The following PXN variants were observed in gnomAD, a reference collection of about 807,000 sequenced individuals.
The protein encoded by PXN is paxillin.
A neutral mutation model predicts 103.6 loss-of-function variants in PXN; 61 were observed. That is an observed-to-expected ratio of 0.59 (90% confidence interval 0.48 to 0.73). The LOEUF is 0.73. Among genes scored for constraint, PXN ranks in the 30% least tolerant of loss-of-function variants. The pLI is 0.00. For missense variants in PXN, 1,274 were observed against 1,460.3 expected (o/e 0.87, Z 2.08); for synonymous variants, 562 against 607.8 (o/e 0.92, Z 1.11).
chr12:120,230,628 C>A (rs369391874), intron 1 of PXN, among the ~76,000 whole-genome samples: 1 of 152,158 alleles, frequency 6.6e-6, no homozygotes, highest in East Asian at 1.9e-4. Context: ...GGGTCTCCCC[C>A]CTCCCCCTGG....
In PXN at chr12:120,215,555, C is replaced by A. The variant is rs1473704169; in HGVS notation, c.2403+5G>T. 7.6e-6 allele frequency: 12 copies of A among 1,581,508 alleles called. No individual in the cohort carries two copies. Among genetic ancestry groups the A allele is most frequent in the Non-Finnish European group, 1.0e-5 (12 of 1,165,262 alleles). ...CAGGACACCCAGCCCAGCCTTGGCA[C>A]TGACCCCTCCCTCGTCCTGCCCTCC... On this transcript the variant is annotated splice_donor_5th_base_variant and intron_variant, in intron 10 of 14. Transcript: ENST00000637617. The surrounding 1 kb of genome is among the most constrained non-coding windows in gnomAD (Gnocchi z 4.9).
chr12:120,260,500 G>GAAAAAAAAA (rs11433431), intron 1 of PXN, among the ~76,000 whole-genome samples: 1 of 137,394 alleles, frequency 7.3e-6, no homozygotes. Flanking sequence ...TGAAACTCAG[G>GAAAAAAAAA]AAAAAAAAAA....
In PXN at chr12:120,216,473, A is replaced by G. The variant is rs915286130; in HGVS notation, c.2101T>C (p.Ser701Pro). 4 of 1,385,636 alleles carry G rather than the reference A, an allele frequency of 2.9e-6. No homozygotes were observed. In the South Asian group the frequency reaches 6.8e-5, roughly 24 times the overall value. The allele number at this position is 1,385,636 out of a possible 1,614,324, so 85.8% of individuals were successfully genotyped here. A position where few individuals can be genotyped will look rare whatever the true frequency, so the allele number is the denominator to read the frequency against. The change falls in exon 9 of 15, where the codon TCT (serine) becomes CCT (proline). Residue 701 changes from serine (S) to proline (P), a missense_variant. Around this residue, in one of 2 missense-constraint regions of PXN, gnomAD observed 1,178 missense variants for 1,309.0 expected, o/e 0.90. Coordinates refer to ENST00000637617, the MANE Select transcript of PXN (RefSeq NM_001385981.1). This position sits in a 1 kb window ranked among gnomAD's most constrained non-coding sequence, Gnocchi z 5.1. ...QHRTDAAASS[S>P]SPLPSLLASS... ...GCGAGCAGGCTGGGCAGGGGAGAAGAGCTGCTGGCCGCGGCGTCTGTGCGA... is the reference window on the plus strand; with the variant it reads ...GCGAGCAGGCTGGGCAGGGGAGAAGGGCTGCTGGCCGCGGCGTCTGTGCGA...
rs1885051949 is a variant in PXN, at chr12:120,221,223, T to A, written c.831+400A>T. ...AGATGGGGCTCCAGGGCAAATGACC[T>A]CCCAGGCACAGGCTCCCAAGTCCCA... On this transcript the variant is annotated intron_variant, in intron 6 of 14. Coordinates refer to ENST00000637617, the MANE Select transcript of PXN (RefSeq NM_001385981.1). The surrounding 1 kb of genome is among the most constrained non-coding windows in gnomAD (Gnocchi z 6.6). Among the ~76,000 whole-genome samples, 1 of 151,968 alleles carries A rather than the reference T, an allele frequency of 6.6e-6. No individual in the cohort carries two copies. Among genetic ancestry groups the A allele is most frequent in the Admixed American group, 6.5e-5 (1 of 15,272 alleles).
At chr12:120,226,765 C>A in intron 1 of PXN, 1 of 1,066,732 alleles carries the variant, frequency 9.4e-7, no homozygotes, top group Non-Finnish European at 1.1e-6. Flanking sequence ...CCCCTCTCTA[C>A]CATCCATGCC....
intron 1 of PXN, among the ~76,000 whole-genome samples, chr12:120,239,499 T>G (rs893496075): frequency 1.3e-5 from 2 of 152,166 alleles, no homozygotes; most frequent in Admixed American, 6.5e-5. Context: ...GGAGAATCGC[T>G]TGAACCCAGG....
chr12:120,265,359 C>T lies in PXN; in HGVS notation c.13+258G>A, dbSNP rs1044432151. Among the ~76,000 whole-genome samples the T allele has an allele frequency of 1.9e-3, 284 of 152,204 alleles. 1 individual carries two copies. Among genetic ancestry groups the T allele is most frequent in the South Asian group, 1.4e-3 (7 of 4,830 alleles). The stretch of plus-strand genomic sequence containing the variant: ...CCCTTCTGGGAGATGGTGATGGGTC[C>T]CCGAGGTCGGGGGTCCAGAGGTGAA... On this transcript the variant is annotated intron_variant, in intron 1 of 14. Coordinates refer to ENST00000637617, the MANE Select transcript of PXN (RefSeq NM_001385981.1). This position sits in a 1 kb window ranked among gnomAD's most constrained non-coding sequence, Gnocchi z 5.7.
Position 120,220,038 on chromosome 12 carries a change from CGG to C in PXN, c.883_884del (p.Pro295ValfsTer39), listed in dbSNP as rs1234136603. ...AAGGAGGAAGGGAGCAGTATGAGGACGGAGCAGAGCTGGACAGCCCCGGGGCA... is the reference window on the plus strand; with the variant it reads ...AAGGAGGAAGGGAGCAGTATGAGGACAGCAGAGCTGGACAGCCCCGGGGCA... ...LSAPGLSSSA[P>X]SSYCSLPPSP... On this transcript the variant is annotated frameshift_variant, in exon 7 of 15. Transcript: ENST00000637617. LOFTEE classifies it high-confidence loss of function. This position sits in a 1 kb window ranked among gnomAD's most constrained non-coding sequence, Gnocchi z 6.1. 1.8e-5 allele frequency: 27 copies of C among 1,495,470 alleles called. No homozygotes were observed. Among genetic ancestry groups the C allele is most frequent in the Non-Finnish European group, 2.5e-5 (27 of 1,100,810 alleles). The allele number at this position is 1,495,470 out of a possible 1,614,324, so 92.6% of individuals were successfully genotyped here. A position where few individuals can be genotyped will look rare whatever the true frequency, so the allele number is the denominator to read the frequency against.
Position 120,224,783 on chromosome 12 carries a change from C to A in PXN, c.14-406G>T. 2.1e-6 allele frequency: 1 copy of A among 471,392 alleles called. No individual in the cohort carries two copies. The highest frequency in any genetic ancestry group is 4.2e-6 in the Non-Finnish European group (1 of 237,446). 29.2% of individuals were successfully genotyped at this position (471,392 alleles called of 1,614,324 possible). A position where few individuals can be genotyped will look rare whatever the true frequency, so the allele number is the denominator to read the frequency against. Reference sequence around the variant, plus strand: ...AGGGGCCCCACGTCACAGGGAGGGGCCCTGGCTATGCCAGGCCCTCACTTG... The same window carrying A: ...AGGGGCCCCACGTCACAGGGAGGGGACCTGGCTATGCCAGGCCCTCACTTG... On this transcript the variant is annotated intron_variant, in intron 1 of 14. Coordinates refer to ENST00000637617, the MANE Select transcript of PXN (RefSeq NM_001385981.1). The surrounding 1 kb of genome is among the most constrained non-coding windows in gnomAD (Gnocchi z 5.0).
Position 120,216,595 on chromosome 12 carries a change from A to C in PXN, c.1993-14T>G. 2 of 1,467,058 alleles carry C rather than the reference A, an allele frequency of 1.4e-6. No individual in the cohort carries two copies. The highest frequency in any genetic ancestry group is 1.8e-6 in the Non-Finnish European group (2 of 1,122,160). 90.9% of individuals were successfully genotyped at this position (1,467,058 alleles called of 1,614,324 possible). On this transcript the variant is annotated splice_polypyrimidine_tract_variant and intron_variant, in intron 8 of 14. Coordinates refer to ENST00000637617, the MANE Select transcript of PXN (RefSeq NM_001385981.1). This position sits in a 1 kb window ranked among gnomAD's most constrained non-coding sequence, Gnocchi z 5.1. Reference sequence around the variant, plus strand: ...AGGGAAGACAACCTGGGGAGAAGAAAGGAGGGAGAGCGATGAGGAAGAAAT... The same window carrying C: ...AGGGAAGACAACCTGGGGAGAAGAACGGAGGGAGAGCGATGAGGAAGAAAT...
intron 1 of PXN, among the ~76,000 whole-genome samples, chr12:120,253,301 C>T (rs1244957334): frequency 1.3e-5 from 2 of 152,004 alleles, no homozygotes; most frequent in Non-Finnish European, 2.9e-5. Flanking sequence ...GGTGAAACCC[C>T]GTCTCTACTA....
In PXN at chr12:120,219,576, C is replaced by T; in HGVS notation, c.1347G>A (p.Met449Ile). 6.4e-7 allele frequency: 1 copy of T among 1,571,424 alleles called. No individual in the cohort carries two copies. Among genetic ancestry groups the T allele is most frequent in the Non-Finnish European group, 8.6e-7 (1 of 1,166,218 alleles). The change falls in exon 7 of 15, where the codon ATG (methionine) becomes ATA (isoleucine). Residue 449 changes from methionine (M) to isoleucine (I), a missense_variant. Met to Ile is a conservative substitution (Grantham distance 10). Transcript: ENST00000637617. This position sits in a 1 kb window ranked among gnomAD's most constrained non-coding sequence, Gnocchi z 6.5. ...AGCTTCGAGCAGCTCCAGAGGGGGGCATTCTCTCAGGCCCGAATACCTCCG... is the reference window on the plus strand; with the variant it reads ...AGCTTCGAGCAGCTCCAGAGGGGGGTATTCTCTCAGGCCCGAATACCTCCG... ...WASEVFGPER[M>I]PPSGAARSFQ...
rs1406564083 is a variant in PXN, at chr12:120,222,143, C to A, written c.696-385G>T. On this transcript the variant is annotated intron_variant, in intron 5 of 14. Coordinates refer to ENST00000637617, the MANE Select transcript of PXN (RefSeq NM_001385981.1). The surrounding 1 kb of genome is among the most constrained non-coding windows in gnomAD (Gnocchi z 4.7). Reference sequence around the variant, plus strand: ...ACTACACACCAGAAACCATTCCAAGCGCTTTACATGGATTACTGGTTCTCA... The same window carrying A: ...ACTACACACCAGAAACCATTCCAAGAGCTTTACATGGATTACTGGTTCTCA... Among the ~76,000 whole-genome samples the A allele has an allele frequency of 6.6e-6, 1 of 152,178 alleles. No homozygotes were observed. Among genetic ancestry groups the A allele is most frequent in the Non-Finnish European group, 1.5e-5 (1 of 68,028 alleles).
chr12:120,241,459 C>T (rs577178631), intron 1 of PXN, among the ~76,000 whole-genome samples: 48 of 152,246 alleles, frequency 3.2e-4, no homozygotes, highest in Non-Finnish European at 6.3e-4. Context: ...CCCTCCGATG[C>T]TCTCACTGGG....
chr12:120,233,506 T>C (rs1181014621), intron 1 of PXN, among the ~76,000 whole-genome samples: 2 of 152,114 alleles, frequency 1.3e-5, no homozygotes, highest in African/African-American at 4.8e-5. Context: ...AAGTTTCACA[T>C]TGTTGGACAG....
At chr12:120,259,923 T>C (rs972347164) in intron 1 of PXN, among the ~76,000 whole-genome samples, 2 of 152,132 alleles carry the variant, frequency 1.3e-5, no homozygotes, top group Non-Finnish European at 2.9e-5. Context: ...TTCTCCACCA[T>C]AAAGTTTTCA....
rs779602085 is a variant in PXN, at chr12:120,212,596, A to T, written c.2980-16T>A. ...TGAAGCATTCCTGCCAGGCGGAGAGAGGGGCTCAGGGAGCTGCCCCTCGGG... is the reference window on the plus strand; with the variant it reads ...TGAAGCATTCCTGCCAGGCGGAGAGTGGGGCTCAGGGAGCTGCCCCTCGGG... On this transcript the variant is annotated splice_polypyrimidine_tract_variant and intron_variant, in intron 14 of 14. Coordinates refer to ENST00000637617, the MANE Select transcript of PXN (RefSeq NM_001385981.1). This position sits in a 1 kb window ranked among gnomAD's most constrained non-coding sequence, Gnocchi z 7.2. 6.2e-7 allele frequency: 1 copy of T among 1,606,062 alleles called. No homozygotes were observed. The highest frequency in any genetic ancestry group is 1.7e-5 in the Admixed American group (1 of 59,852).
intron 1 of PXN, among the ~76,000 whole-genome samples, chr12:120,239,462 G>A (rs983915940): frequency 1.3e-5 from 2 of 152,022 alleles, no homozygotes; most frequent in South Asian, 2.1e-4. Context: ...CATGCCTGTA[G>A]TCCCAGCTAC....
rs765989837 is a variant in PXN, at chr12:120,215,569, G to C, written c.2394C>G (p.Asp798Glu). 1 of 1,596,958 alleles carries C rather than the reference G, an allele frequency of 6.3e-7. No homozygotes were observed. The highest frequency in any genetic ancestry group is 2.2e-5 in the East Asian group (1 of 44,594). ...CAGCCTTGGCACTGACCCCTCCCTC[G>C]TCCTGCCCTCCGGGGCTGCTCCGCC... is the stretch of plus-strand genomic sequence containing the variant. Reference protein sequence around the residue: ...DGGRSSPGGQDEGGFMAQGKT... With the variant: ...DGGRSSPGGQEEGGFMAQGKT... The change falls in exon 10 of 15, where the codon GAC (aspartate) becomes GAG (glutamate). Residue 798 changes from aspartate to glutamate, a missense_variant. Physicochemically the swap from Asp to Glu is conservative, Grantham distance 45 (BLOSUM62 2). Coordinates refer to ENST00000637617, the MANE Select transcript of PXN (RefSeq NM_001385981.1). This position sits in a 1 kb window ranked among gnomAD's most constrained non-coding sequence, Gnocchi z 4.9.
Sources: gnomAD v4.1 joint callset for allele counts (sites outside exome capture counted in the v4.1 genomes callset) on GRCh38, gnomAD v4.1.1 for gene constraint, gnomAD v4.1.1 regional missense constraint, Gnocchi (gnomAD v3.1) non-coding constraint, MANE v1.5 for transcripts, NCBI Gene and HGNC (gene_info 2026-07-23, HGNC 2026-07-21) for gene names.